The following AUNIP variants were observed in gnomAD, a reference collection of about 807,000 sequenced individuals.
AUNIP encodes aurora kinase A- and ninein-interacting protein.
AUNIP carries 16 observed loss-of-function variants against 12.2 expected under a neutral mutation model. The ratio of observed to expected loss-of-function variants is 1.31; its 90% CI spans 0.88 to 1.99. The LOEUF is 1.99. Ranked by LOEUF, AUNIP falls within the 30% of genes most tolerant of loss-of-function variation. AUNIP has a pLI of 0.00. For synonymous variants in AUNIP, 142 were observed against 154.8 expected (o/e 0.92, Z 0.61); for missense variants, 411 against 419.1 (o/e 0.98, Z 0.17).
intron 1 of AUNIP, among the ~76,000 whole-genome samples, chr1:25,848,483 CA>C (rs761716480): frequency 0.25 from 15,674 of 62,764 alleles, 736 homozygotes; most frequent in Non-Finnish European, 0.27. Flanking sequence ...AACTCCGTCT[CA>C]AAAAAAAAAA....
downstream of AUNIP, chr1:25,833,885 G>A: frequency 4.7e-6 from 2 of 427,532 alleles, no homozygotes; most frequent in Non-Finnish European, 6.2e-6. Context: ...TTGGGTAGAA[G>A]ACAGGTCAAA....
intron 1 of AUNIP, among the ~76,000 whole-genome samples, chr1:25,850,373 C>T (rs1481823008): frequency 2.6e-5 from 4 of 152,070 alleles, no homozygotes; most frequent in Non-Finnish European, 5.9e-5. Flanking sequence ...ACATGTGATT[C>T]CTCCAACTTT....
chr1:25,843,978 G>A (rs1459946937), intron 1 of AUNIP, among the ~76,000 whole-genome samples: 1 of 152,202 alleles, frequency 6.6e-6, no homozygotes, highest in African/African-American at 2.4e-5. Context: ...AGAAAGCAAA[G>A]GCAGGGTTTG....
intron 1 of AUNIP, among the ~76,000 whole-genome samples, chr1:25,848,454 C>A (rs570522177): frequency 3.9e-5 from 5 of 127,982 alleles, no homozygotes; most frequent in Admixed American, 7.5e-5. Context: ...TGCACTCCAG[C>A]CCGGGCAAAA....
At chr1:25,852,593 C>T (rs1303240584) in intron 1 of AUNIP, among the ~76,000 whole-genome samples, 1 of 151,754 alleles carries the variant, frequency 6.6e-6, no homozygotes, top group Non-Finnish European at 1.5e-5. Context: ...GCGCCTGCCA[C>T]CACGCACAGC....
At chr1:25,850,335 G>T (rs573929942) in intron 1 of AUNIP, among the ~76,000 whole-genome samples, 1 of 152,108 alleles carries the variant, frequency 6.6e-6, no homozygotes, top group Non-Finnish European at 1.5e-5. Flanking sequence ...CTTAAGTACT[G>T]TAACTGTATA....
intron 1 of AUNIP, among the ~76,000 whole-genome samples, chr1:25,852,361 T>G (rs1283145512): frequency 6.6e-6 from 1 of 152,214 alleles, no homozygotes; most frequent in African/African-American, 2.4e-5. Flanking sequence ...CACTCTAAAT[T>G]GTATTATTTC....
chr1:25,856,944 C>CAA (rs57083607), intron 1 of AUNIP, among the ~76,000 whole-genome samples: 5 of 135,872 alleles, frequency 3.7e-5, no homozygotes, highest in African/African-American at 1.1e-4. Flanking sequence ...CCCGTCTCTA[C>CAA]AAAAAAAAAA....
At position 25,834,636 on chromosome 1, in the gene AUNIP, A is replaced by C. The variant is rs906283579; in HGVS notation, c.*357T>G. On this transcript the variant is annotated 3_prime_UTR_variant, in exon 3 of 3. Transcript: ENST00000374298. ...ATCTCAAAAAAAAAAAAAAAAAAACACATCCATAAGCAAGGTCCCAGTCAG... is the reference window on the plus strand; with the variant it reads ...ATCTCAAAAAAAAAAAAAAAAAAACCCATCCATAAGCAAGGTCCCAGTCAG... The C allele has an allele frequency of 9.8e-5, 99 of 1,012,566 alleles. No individual in the cohort carries two copies. The highest frequency in any genetic ancestry group is 1.1e-4 in the Non-Finnish European group (94 of 848,274). 62.7% of individuals were successfully genotyped at this position (1,012,566 alleles called of 1,614,324 possible).
chr1:25,841,905 A>G (rs1048724903), intron 1 of AUNIP, among the ~76,000 whole-genome samples: 1 of 152,198 alleles, frequency 6.6e-6, no homozygotes, highest in African/African-American at 2.4e-5. Flanking sequence ...AACTTCATCA[A>G]TAAATGTTGT....
chr1:25,858,453 G>A (rs1028495477), intron 1 of AUNIP, among the ~76,000 whole-genome samples: 4 of 152,098 alleles, frequency 2.6e-5, no homozygotes, highest in Non-Finnish European at 5.9e-5. Flanking sequence ...ATGTAAAATG[G>A]GTATCATTAC....
Position 25,847,266 on chromosome 1 carries a change from T to TG in AUNIP, c.79-9713_79-9712insC, listed in dbSNP as rs1454207843. On this transcript the variant is annotated intron_variant, in intron 1 of 2. Transcript: ENST00000374298. The surrounding 1 kb of genome is among the most constrained non-coding windows in gnomAD (Gnocchi z 4.2). ...TTAAAAAACAGTTGTGTTTTTTTTGTTTTGTTTTTTTTTGAGACGGAGTCT... is the reference window on the plus strand; with the variant it reads ...TTAAAAAACAGTTGTGTTTTTTTTGTGTTTGTTTTTTTTTGAGACGGAGTCT... Among the ~76,000 whole-genome samples, 17 of 151,902 alleles carry TG rather than the reference T, an allele frequency of 1.1e-4. No homozygotes were observed. Among genetic ancestry groups the TG allele is most frequent in the African/African-American group, 3.4e-4 (14 of 41,412 alleles).
intron 1 of AUNIP, among the ~76,000 whole-genome samples, chr1:25,841,468 T>A (rs1335150770): frequency 2.6e-5 from 4 of 152,158 alleles, no homozygotes; most frequent in African/African-American, 9.7e-5. Flanking sequence ...CATGTCTGTG[T>A]CCCATTTTGG....
At chr1:25,832,980 AT>A (rs1013860477), downstream of AUNIP, 5 of 152,162 alleles carry the variant, frequency 3.3e-5, no homozygotes, top group African/African-American at 1.2e-4. Flanking sequence ...ATTACCCAGT[AT>A]CCTTCAGGGG....
At chr1:25,836,010 G>T (rs1465014504) in intron 2 of AUNIP, among the ~76,000 whole-genome samples, 164 bp from the exon 3 acceptor site, 1 of 152,070 alleles carries the variant, frequency 6.6e-6, no homozygotes, top group East Asian at 1.9e-4. Context: ...TTTCAATCTT[G>T]CCAGTCTATC....
intron 1 of AUNIP, among the ~76,000 whole-genome samples, chr1:25,858,521 C>T (rs2048481040): frequency 6.6e-6 from 1 of 152,196 alleles, no homozygotes; most frequent in Non-Finnish European, 1.5e-5. Context: ...CACTTAGCAC[C>T]AGCATAAAAT....
In AUNIP at chr1:25,835,673, G is replaced by A; in HGVS notation, c.394C>T (p.Leu132Phe). The part of the protein sequence containing the change: ...STTADIQEAG[L>F]SPQSLQTSGH... ...GAAGTCTGGAGGGACTGAGGAGAGA[G>A]TCCAGCTTCCTGGATGTCTGCAGTG... Residue 132 changes from leucine (L) to phenylalanine (F), a missense_variant, in exon 3 of 3, where the codon CTC becomes TTC. Transcript: ENST00000374298. The A allele has an allele frequency of 6.2e-7, 1 of 1,614,240 alleles. No homozygotes were observed. The highest frequency in any genetic ancestry group is 8.5e-7 in the Non-Finnish European group (1 of 1,180,046).
chr1:25,837,514 A>G lies in AUNIP; in HGVS notation c.119T>C (p.Leu40Pro), dbSNP rs2048312759. The change falls in exon 2 of 3, where the codon CTT becomes CCT. Residue 40 changes from leucine (L) to proline (P), a missense_variant. Coordinates refer to ENST00000374298, the MANE Select transcript of AUNIP (RefSeq NM_024037.3). ...IKPGTKMLTL[L>P]PGERKANIYF... ...AATATTAGCCTTTCTTTCTCCAGGA[A>G]GGAGTGTTAGCATTTTGGTGCCTGG... 3.7e-6 allele frequency: 6 copies of G among 1,613,812 alleles called. No individual in the cohort carries two copies. In the East Asian group the frequency reaches 1.3e-4, roughly 36 times the overall value.
chr1:25,835,381 G>C lies in AUNIP; in HGVS notation c.686C>G (p.Thr229Ser). The stretch of plus-strand genomic sequence containing the variant: ...GGCAGACACCTTTCTTTCCAATTTA[G>C]TCTTGCCTAAGGGCTGACAGCATTT... ...GDKCCQPLGK[T>S]KLERKVSAKE... is the part of the protein sequence containing the mutation. The change falls in exon 3 of 3, where the codon ACT (threonine) becomes AGT (serine). Residue 229 changes from threonine (T) to serine (S), a missense_variant. Coordinates refer to ENST00000374298, the MANE Select transcript of AUNIP (RefSeq NM_024037.3). The C allele has an allele frequency of 6.2e-7, 1 of 1,614,190 alleles. No individual in the cohort carries two copies. Among genetic ancestry groups the C allele is most frequent in the African/African-American group, 1.3e-5 (1 of 75,048 alleles).
Sources: gnomAD v4.1 joint callset for allele counts (sites outside exome capture counted in the v4.1 genomes callset) on GRCh38, gnomAD v4.1.1 for gene constraint, Gnocchi (gnomAD v3.1) non-coding constraint, MANE v1.5 for transcripts, NCBI Gene and HGNC (gene_info 2026-07-23, HGNC 2026-07-21) for gene names.